Variants in SEMA4D observed in about 807,000 individuals in gnomAD.
The protein encoded by SEMA4D is semaphorin-4D.
SEMA4D carries 22 observed loss-of-function variants against 74.8 expected under a neutral mutation model. The observed-to-expected ratio is 0.29, with a 90% CI of 0.21 to 0.42. The LOEUF (loss-of-function observed/expected upper bound fraction) is 0.42. Ranked by LOEUF, SEMA4D falls within the 10% of genes least tolerant of loss-of-function variation. The probability of loss-of-function intolerance (pLI) is 1.00; values close to 1 mark genes in which losing one functional copy is unlikely to be tolerated. For synonymous variants in SEMA4D, 445 were observed against 463.7 expected, an observed-to-expected ratio of 0.96 and a Z score of 0.52; for missense variants, 937 against 1,118.4, an observed-to-expected ratio of 0.84 and a Z score of 2.31.
intron 1 of SEMA4D, among the ~76,000 whole-genome samples, chr9:89,473,372 T>G (rs1372479585): frequency 6.7e-6 from 1 of 150,198 alleles, no homozygotes; most frequent in Non-Finnish European, 1.5e-5. Flanking sequence ...TCTCAGAGTT[T>G]GAGACCATCC....
chr9:89,476,459 G>C (rs527891575), intron 1 of SEMA4D, among the ~76,000 whole-genome samples: 1 of 152,288 alleles, frequency 6.6e-6, no homozygotes, highest in Non-Finnish European at 1.5e-5. Flanking sequence ...CAGAGGCTTT[G>C]AGTAAAGCAA....
At chr9:89,487,795 A>G (rs997933816) in intron 1 of SEMA4D, among the ~76,000 whole-genome samples, 8 of 152,236 alleles carry the variant, frequency 5.3e-5, no homozygotes, top group Non-Finnish European at 8.8e-5. Context: ...TAAATCTGAT[A>G]AAACATGTGC....
intron 9 of SEMA4D, 40 bp from the exon 10 acceptor site, chr9:89,389,087 A>G: frequency 6.2e-7 from 1 of 1,608,668 alleles, no homozygotes; most frequent in Non-Finnish European, 8.5e-7. Context: ...CCGAGAGTGG[A>G]TCCCCTGTGA....
At chr9:89,464,137 G>A (rs1858057080) in intron 1 of SEMA4D, among the ~76,000 whole-genome samples, 1 of 152,024 alleles carries the variant, frequency 6.6e-6, no homozygotes, top group South Asian at 2.1e-4. Flanking sequence ...CAAGAAAACT[G>A]CCACAAAACC....
chr9:89,412,233 C>G (rs992835697), intron 2 of SEMA4D, among the ~76,000 whole-genome samples: 2 of 152,116 alleles, frequency 1.3e-5, no homozygotes, highest in African/African-American at 4.8e-5. Context: ...GGTAAGGAGC[C>G]AAGAGTAGAA....
chr9:89,468,699 C>G (rs1367558524), intron 1 of SEMA4D, among the ~76,000 whole-genome samples: 3 of 152,218 alleles, frequency 2.0e-5, no homozygotes, highest in South Asian at 2.1e-4. Context: ...CATCCCCCCT[C>G]TAAGTGGTGG....
intron 2 of SEMA4D, among the ~76,000 whole-genome samples, chr9:89,454,088 T>A (rs751384935): frequency 6.6e-6 from 1 of 152,118 alleles, no homozygotes; most frequent in Non-Finnish European, 1.5e-5. Flanking sequence ...CGATAGAATA[T>A]ATGACTTAAT....
Position 89,391,414 on chromosome 9 carries a change from C to T in SEMA4D, c.624G>A (p.Glu208=). 5 of 1,614,200 alleles carry T rather than the reference C, an allele frequency of 3.1e-6. No individual in the cohort carries two copies. Among genetic ancestry groups the T allele is most frequent in the Non-Finnish European group, 4.2e-6 (5 of 1,180,032 alleles). Residue 208 remains glutamate (E), a splice_region_variant and synonymous_variant, in exon 9 of 16, where the codon GAG becomes GAA. Coordinates refer to ENST00000422704, the MANE Select transcript of SEMA4D (RefSeq NM_001371194.2). ...TCACGTCAGCAAACACGAAACTAGG[C>T]TCTGCAGAGAGAGGACAGTGATTAT... The part of the protein sequence containing the change: ...RTEYAIPWLN[E]PSFVFADVIR...
Position 89,463,937 on chromosome 9 carries a change from C to CAAA in SEMA4D, c.-309-7987_-309-7985dup, listed in dbSNP as rs11394548. 6.8e-4 allele frequency among the ~76,000 whole-genome samples: 85 copies of CAAA among 125,606 alleles called. 2 individuals carry two copies. The highest frequency in any genetic ancestry group is 1.0e-3 in the African/African-American group (34 of 33,754). The allele number at this position is 125,606 out of a possible 152,430, so 82.4% of individuals were successfully genotyped here. ...TGACAGAGCAAGACTCCGTCTCAGA[C>CAAA]AAAAAAAAAAAAAGAACCAAATCGT... On this transcript the variant is annotated intron_variant, in intron 1 of 15. Coordinates refer to ENST00000422704, the MANE Select transcript of SEMA4D (RefSeq NM_001371194.2).
At chr9:89,413,894 G>C (rs1408632991) in intron 2 of SEMA4D, among the ~76,000 whole-genome samples, 1 of 152,218 alleles carries the variant, frequency 6.6e-6, no homozygotes, top group Non-Finnish European at 1.5e-5. Context: ...GTGCGCATCT[G>C]TGTGTGCATG....
intron 1 of SEMA4D, among the ~76,000 whole-genome samples, chr9:89,471,465 C>T (rs1255966172): frequency 6.6e-6 from 1 of 152,152 alleles, no homozygotes; most frequent in Non-Finnish European, 1.5e-5. Context: ...GTTCAAAAAG[C>T]AAAAAGCTAA....
In SEMA4D at chr9:89,461,702, T is replaced by C. The variant is rs13299745; in HGVS notation, c.-309-5749A>G. Among the ~76,000 whole-genome samples, 165 of 37,766 alleles carry C rather than the reference T, an allele frequency of 4.4e-3. 5 individuals carry two copies. The highest frequency in any genetic ancestry group is 0.014 in the South Asian group (21 of 1,504). 24.8% of individuals were successfully genotyped at this position (37,766 alleles called of 152,430 possible). On this transcript the variant is annotated intron_variant, in intron 1 of 15. Coordinates refer to ENST00000422704, the MANE Select transcript of SEMA4D (RefSeq NM_001371194.2). ...GCCAATGTGTATTTCTTTTTTCTCT[T>C]TTTTTTTTTTTTTTTTTGGAGACAG... is the stretch of plus-strand genomic sequence containing the variant.
At chr9:89,467,614 C>G (rs1020732031) in intron 1 of SEMA4D, among the ~76,000 whole-genome samples, 1 of 151,654 alleles carries the variant, frequency 6.6e-6, no homozygotes, top group African/African-American at 2.4e-5. Flanking sequence ...TTACTGCAAC[C>G]TCTGCCTCTC....
intron 16 of SEMA4D, chr9:89,368,163 C>G (rs1210690370): frequency 6.6e-6 from 1 of 152,316 alleles, no homozygotes; most frequent in Non-Finnish European, 1.5e-5. Flanking sequence ...TGCATGTGGC[C>G]CACTCTGACC....
intron 13 of SEMA4D, chr9:89,384,749 G>A (rs1454746063): frequency 3.0e-6 from 3 of 985,448 alleles, no homozygotes; most frequent in Non-Finnish European, 3.6e-6. Flanking sequence ...GACAGGGGGA[G>A]GGCGTGGTAC....
At chr9:89,453,148 G>A (rs1227795390) in intron 2 of SEMA4D, among the ~76,000 whole-genome samples, 1 of 152,178 alleles carries the variant, frequency 6.6e-6, no homozygotes, top group Non-Finnish European at 1.5e-5. Context: ...CCATCCCAGT[G>A]CAGGTGAAGC....
At chr9:89,444,154 CCATA>C (rs1267840870) in intron 2 of SEMA4D, among the ~76,000 whole-genome samples, 2 of 152,196 alleles carry the variant, frequency 1.3e-5, no homozygotes, top group Non-Finnish European at 2.9e-5. Flanking sequence ...TACCTACCTA[CCATA>C]GACATAATTC....
intron 2 of SEMA4D, among the ~76,000 whole-genome samples, chr9:89,427,955 G>A (rs1463052083): frequency 6.6e-6 from 1 of 152,214 alleles, no homozygotes. Context: ...GCCCAGGAAG[G>A]AGGTGTGTTT....
At chr9:89,371,324 T>C (rs1212972498) in intron 16 of SEMA4D, among the ~76,000 whole-genome samples, 4 of 67,064 alleles carry the variant, frequency 6.0e-5, no homozygotes, top group African/African-American at 2.4e-4. Flanking sequence ...GTGTGTGGGG[T>C]TGGTGTGTGT....
Sources: gnomAD v4.1 joint callset for allele counts (sites outside exome capture counted in the v4.1 genomes callset) on GRCh38, gnomAD v4.1.1 for gene constraint, MANE v1.5 for transcripts, NCBI Gene and HGNC (gene_info 2026-07-23, HGNC 2026-07-21) for gene names.